The following SDK1 variants were observed in gnomAD, a reference collection of about 807,000 sequenced individuals.
The protein encoded by SDK1 is protein sidekick-1.
Under a neutral mutation model 245.5 loss-of-function variants are expected in SDK1, and 157 were observed. That is an observed-to-expected ratio of 0.64 (90% CI 0.56 to 0.73). SDK1 has a LOEUF of 0.73. Ranked by LOEUF, SDK1 falls within the 30% of genes least tolerant of loss-of-function variation. The pLI, the probability that SDK1 is intolerant of heterozygous loss-of-function variation, is 0.00. For missense variants in SDK1, 3,583 were observed against 3,002.3 expected (o/e 1.19, Z -4.52); for synonymous variants, 1,647 against 1,278.5 (o/e 1.29, Z -6.15).
chr7:3,897,129 C>G (rs1781630779), intron 5 of SDK1, among the ~76,000 whole-genome samples: 1 of 152,214 alleles, frequency 6.6e-6, no homozygotes, highest in Non-Finnish European at 1.5e-5. Context: ...CACTAGGCCA[C>G]TGCCACAACA....
At chr7:3,474,691 C>T (rs1017202308) in intron 1 of SDK1, among the ~76,000 whole-genome samples, 2 of 151,944 alleles carry the variant, frequency 1.3e-5, no homozygotes, top group Non-Finnish European at 2.9e-5. Context: ...TGGGTCATTA[C>T]TTCTATTTTT....
chr7:4,024,740 G>A (rs1393590062), intron 17 of SDK1, among the ~76,000 whole-genome samples: 1 of 152,242 alleles, frequency 6.6e-6, no homozygotes, highest in Non-Finnish European at 1.5e-5. Context: ...GCTGGACAAT[G>A]CTGAGAAATG....
At chr7:3,571,368 T>G (rs766073685) in intron 1 of SDK1, among the ~76,000 whole-genome samples, 1 of 152,038 alleles carries the variant, frequency 6.6e-6, no homozygotes, top group African/African-American at 2.4e-5. Flanking sequence ...AGTGGCACAA[T>G]CACAGTTCAC....
intron 1 of SDK1, among the ~76,000 whole-genome samples, chr7:3,579,364 G>A (rs967167948): frequency 2.6e-5 from 4 of 152,202 alleles, no homozygotes; most frequent in African/African-American, 9.7e-5. Flanking sequence ...TGCAAGGTTG[G>A]TTCAAGATAT....
intron 4 of SDK1, among the ~76,000 whole-genome samples, chr7:3,669,975 A>G (rs1169390239): frequency 6.6e-6 from 1 of 152,188 alleles, no homozygotes; most frequent in Non-Finnish European, 1.5e-5. Context: ...TATCCTTGAT[A>G]CTTCTTTTTC....
chr7:3,797,809 C>G (rs34243635), intron 4 of SDK1, among the ~76,000 whole-genome samples: 2 of 152,032 alleles, frequency 1.3e-5, no homozygotes, highest in Non-Finnish European at 2.9e-5. Context: ...TGATTTCTAG[C>G]TCTTCCTTTA....
intron 4 of SDK1, among the ~76,000 whole-genome samples, chr7:3,803,831 C>A (rs1779172516): frequency 6.9e-6 from 1 of 145,052 alleles, no homozygotes; most frequent in Admixed American, 7.2e-5. Context: ...GTGGCATGAT[C>A]TCAGCTCACT....
intron 1 of SDK1, among the ~76,000 whole-genome samples, chr7:3,615,988 A>T (rs191825730): frequency 1.3e-5 from 2 of 152,046 alleles, no homozygotes; most frequent in Middle Eastern, 3.4e-3. Context: ...TGGGTCAAGT[A>T]ATCCCTCCAC....
At chr7:3,459,986 T>A (rs182382444) in intron 1 of SDK1, among the ~76,000 whole-genome samples, 39 of 152,360 alleles carry the variant, frequency 2.6e-4, no homozygotes, top group Admixed American at 2.0e-3. Context: ...TTTATTTGTA[T>A]TGGTCTTGCT....
chr7:3,394,643 G>T (rs11971511), intron 1 of SDK1, among the ~76,000 whole-genome samples: 3 of 151,580 alleles, frequency 2.0e-5, no homozygotes, highest in Admixed American at 6.6e-5. Context: ...TGAGTCTTTC[G>T]ATCCATAAAT....
intron 5 of SDK1, among the ~76,000 whole-genome samples, chr7:3,874,628 C>T (rs1008525718): frequency 2.6e-5 from 4 of 152,120 alleles, no homozygotes; most frequent in Non-Finnish European, 5.9e-5. Context: ...ATCTGCAGTG[C>T]GATCCCACCC....
At chr7:3,652,708 T>C (rs577158226) in intron 4 of SDK1, among the ~76,000 whole-genome samples, 1 of 152,244 alleles carries the variant, frequency 6.6e-6, no homozygotes, top group East Asian at 1.9e-4. Flanking sequence ...AGTTGCAGTT[T>C]GTGGTGATGG....
intron 1 of SDK1, among the ~76,000 whole-genome samples, chr7:3,513,296 G>C (rs981482974): frequency 2.0e-5 from 3 of 152,180 alleles, no homozygotes; most frequent in African/African-American, 7.2e-5. Context: ...ATAAGAGACA[G>C]TAATAATGAC....
chr7:3,646,428 C>G (rs1237846257), intron 4 of SDK1, among the ~76,000 whole-genome samples: 1 of 151,962 alleles, frequency 6.6e-6, no homozygotes, highest in East Asian at 1.9e-4. Context: ...TATTGAGTAC[C>G]TACTTTAAAC....
At chr7:4,143,655 C>T (rs767381841) in intron 28 of SDK1, among the ~76,000 whole-genome samples, 1 of 152,190 alleles carries the variant, frequency 6.6e-6, no homozygotes, top group Non-Finnish European at 1.5e-5. Context: ...TGCTTCTGCG[C>T]AGTGGGCCCT....
At chr7:3,401,738 G>T (rs774575688) in intron 1 of SDK1, among the ~76,000 whole-genome samples, 38 of 150,900 alleles carry the variant, frequency 2.5e-4, no homozygotes, top group Non-Finnish European at 5.2e-4. Flanking sequence ...TAATAATTTT[G>T]TATCTACTAG....
At chr7:4,012,016 C>A (rs1786008493) in intron 15 of SDK1, 79 bp from the exon 16 acceptor site, 2 of 1,221,702 alleles carry the variant, frequency 1.6e-6, no homozygotes, top group South Asian at 5.6e-5. Flanking sequence ...CAAGATTCAG[C>A]AAGATAGATG....
chr7:4,151,805 T>C (rs1490394969), intron 30 of SDK1, among the ~76,000 whole-genome samples: 2 of 152,188 alleles, frequency 1.3e-5, no homozygotes, highest in Non-Finnish European at 2.9e-5. Context: ...GGCAGAGATA[T>C]CTTAAGTAAC....
intron 17 of SDK1, among the ~76,000 whole-genome samples, chr7:4,022,389 G>T (rs1009770892): frequency 2.6e-5 from 4 of 152,142 alleles, no homozygotes; most frequent in African/African-American, 9.7e-5. Flanking sequence ...CTTTAATAAG[G>T]CCCTTGGATT....
Sources: gnomAD v4.1 joint callset for allele counts (sites outside exome capture counted in the v4.1 genomes callset) on GRCh38, gnomAD v4.1.1 for gene constraint, MANE v1.5 for transcripts, NCBI Gene and HGNC (gene_info 2026-07-23, HGNC 2026-07-21) for gene names.